The following PSME4 variants were observed in gnomAD, a reference collection of about 807,000 sequenced individuals.
PSME4 encodes the protein proteasome activator complex subunit 4.
Under a neutral mutation model 253.9 loss-of-function variants are expected in PSME4, and 89 were observed. That is an observed-to-expected ratio of 0.35 (90% confidence interval 0.30 to 0.42). The LOEUF is 0.42. PSME4 is among the 10% of genes least tolerant of loss of function. PSME4 has a pLI of 1.00. For missense variants in PSME4, 2,014 were observed against 2,195.2 expected (o/e 0.92, Z 1.65); for synonymous variants, 851 against 759.2 (o/e 1.12, Z -1.99).
intron 41 of PSME4, 88 bp from the exon 42 acceptor site, chr2:53,875,843 A>G: frequency 7.9e-7 from 1 of 1,259,202 alleles, no homozygotes; most frequent in South Asian, 1.6e-5. Flanking sequence ...CACATCTTTA[A>G]TTTAACAATT....
chr2:53,923,074 G>C lies in PSME4; in HGVS notation c.1953C>G (p.Cys651Trp). The C allele has an allele frequency of 6.2e-7, 1 of 1,605,122 alleles. No homozygotes were observed. The highest frequency in any genetic ancestry group is 8.5e-7 in the Non-Finnish European group (1 of 1,174,346). ...ESLKLFVPHC[C>W]SVITQLTMND... The stretch of plus-strand genomic sequence containing the variant: ...TCATTGTAAGCTGAGTTATAACACT[G>C]CAGCAGTGGGGAACAAAGAGCTTCA... The change falls in exon 16 of 47, where the codon TGC becomes TGG. Residue 651 changes from cysteine (C) to tryptophan (W), a missense_variant. Cys to Trp is a radical substitution (Grantham distance 215, BLOSUM62 -2). Around this residue, in one of 4 missense-constraint regions of PSME4, gnomAD observed 989 missense variants for 1,021.1 expected, o/e 0.97. Coordinates refer to ENST00000404125, the MANE Select transcript of PSME4 (RefSeq NM_014614.3).
chr2:53,896,331 A>G (rs1680135139), intron 32 of PSME4, among the ~76,000 whole-genome samples: 1 of 152,242 alleles, frequency 6.6e-6, no homozygotes, highest in Non-Finnish European at 1.5e-5. Context: ...ACTATAATCC[A>G]ATCCAGGATT....
chr2:53,871,542 C>A (rs551891504), intron 43 of PSME4, among the ~76,000 whole-genome samples: 2 of 152,242 alleles, frequency 1.3e-5, no homozygotes, highest in South Asian at 4.2e-4. Flanking sequence ...GCATGAGCCA[C>A]CACGCCCGGC....
intron 1 of PSME4, among the ~76,000 whole-genome samples, chr2:53,969,511 C>G (rs1420800152): frequency 2.6e-5 from 4 of 152,146 alleles, no homozygotes; most frequent in African/African-American, 9.7e-5. Context: ...TGAGTTATGT[C>G]TTGTGTGTTC....
At chr2:53,958,911 A>C (rs1670355523) in intron 1 of PSME4, among the ~76,000 whole-genome samples, 1 of 152,170 alleles carries the variant, frequency 6.6e-6, no homozygotes, top group Admixed American at 6.5e-5. Flanking sequence ...AATTACCAAC[A>C]AAAAAATTAA....
intron 14 of PSME4, among the ~76,000 whole-genome samples, 189 bp from the exon 15 acceptor site, chr2:53,923,608 C>T (rs1485460422): frequency 1.3e-5 from 2 of 152,126 alleles, no homozygotes; most frequent in Non-Finnish European, 2.9e-5. Context: ...TCTTTGCCCA[C>T]GATCCTAACT....
chr2:53,916,911 G>T (rs756867458), intron 20 of PSME4, among the ~76,000 whole-genome samples: 108 of 151,756 alleles, frequency 7.1e-4, no homozygotes, highest in Non-Finnish European at 1.0e-3. Context: ...GCAATTCAAA[G>T]GCAAAGACCT....
intron 4 of PSME4, among the ~76,000 whole-genome samples, 195 bp from the exon 5 acceptor site, chr2:53,937,735 T>C (rs533996429): frequency 1.3e-5 from 2 of 152,284 alleles, no homozygotes; most frequent in African/African-American, 4.8e-5. Context: ...CAGTAGTTCA[T>C]GCCTGTAATT....
chr2:53,967,416 G>A (rs1003208986), intron 1 of PSME4, among the ~76,000 whole-genome samples: 7 of 151,856 alleles, frequency 4.6e-5, no homozygotes, highest in African/African-American at 1.5e-4. Flanking sequence ...TTGGGAGGCC[G>A]AGGCACACAG....
intron 35 of PSME4, among the ~76,000 whole-genome samples, chr2:53,893,342 C>G (rs1679995988): frequency 6.6e-6 from 1 of 151,994 alleles, no homozygotes; most frequent in Non-Finnish European, 1.5e-5. Context: ...CCCAAAATAC[C>G]AAAATGTTCA....
chr2:53,903,374 T>C (rs966739910), intron 27 of PSME4, among the ~76,000 whole-genome samples: 1 of 152,186 alleles, frequency 6.6e-6, no homozygotes, highest in African/African-American at 2.4e-5. Context: ...TCCCCTCATA[T>C]TCAATCAACA....
At chr2:53,940,964 T>TA (rs1558413905) in intron 3 of PSME4, among the ~76,000 whole-genome samples, 6 of 46,296 alleles carry the variant, frequency 1.3e-4, no homozygotes, top group Admixed American at 2.8e-4. Flanking sequence ...TATATATATA[T>TA]ATATATATAT....
intron 44 of PSME4, among the ~76,000 whole-genome samples, chr2:53,867,537 T>G: frequency 6.9e-6 from 1 of 144,344 alleles, no homozygotes; most frequent in Non-Finnish European, 1.5e-5. Flanking sequence ...GGCATGGCAG[T>G]GCATGCCTGT....
Position 53,949,216 on chromosome 2 carries a change from C to A in PSME4, c.310G>T (p.Glu104Ter). The stretch of plus-strand genomic sequence containing the variant: ...TCCAGTTTTGGAATTGATACCAGCT[C>A]ATACAATAACTTAATAAAAAGAACA... The part of the protein sequence containing the change: ...DHVLFIKLLY[E>*]LVSIPKLEIS... Residue 104 changes from glutamate to a stop codon, truncating the protein, a stop_gained, in exon 2 of 47, where the codon GAG becomes TAG. Coordinates refer to ENST00000404125, the MANE Select transcript of PSME4 (RefSeq NM_014614.3). LOFTEE classifies it high-confidence loss of function. The A allele has an allele frequency of 6.2e-7, 1 of 1,611,762 alleles. No individual in the cohort carries two copies. Among genetic ancestry groups the A allele is most frequent in the Non-Finnish European group, 8.5e-7 (1 of 1,178,830 alleles).
At chr2:53,873,535 C>T (rs1404946200) in intron 43 of PSME4, among the ~76,000 whole-genome samples, 2 of 152,148 alleles carry the variant, frequency 1.3e-5, no homozygotes, top group East Asian at 1.9e-4. Flanking sequence ...GTATCTCATG[C>T]CATATTTACT....
At chr2:53,948,825 T>C (rs767160999) in intron 2 of PSME4, among the ~76,000 whole-genome samples, 4 of 152,202 alleles carry the variant, frequency 2.6e-5, no homozygotes, top group Non-Finnish European at 5.9e-5. Context: ...ATATTTAATG[T>C]TTCCAGCATT....
intron 1 of PSME4, among the ~76,000 whole-genome samples, chr2:53,970,319 G>A (rs1387568321): frequency 2.6e-5 from 4 of 152,198 alleles, no homozygotes; most frequent in African/African-American, 9.7e-5. Context: ...AGATGCGGAG[G>A]ACGTAGAGGG....
chr2:53,866,827 T>G lies in PSME4; in HGVS notation c.5317A>C (p.Ser1773Arg), dbSNP rs1181960830. The change falls in exon 45 of 47, where the codon AGT becomes CGT. Residue 1773 changes from serine to arginine, a missense_variant. Transcript: ENST00000404125. ...VLGLGACVLSSPYDVPTWMPQ... is the reference protein window; with the variant it reads ...VLGLGACVLSRPYDVPTWMPQ... ...ATCCAGGTGGGAACATCGTAAGGAC[T>G]AGAAAGAACACATGCACCAAGTCCT... 1.2e-6 allele frequency: 2 copies of G among 1,614,056 alleles called. No homozygotes were observed. The highest frequency in any genetic ancestry group is 1.7e-6 in the Non-Finnish European group (2 of 1,179,942).
intron 1 of PSME4, among the ~76,000 whole-genome samples, chr2:53,962,018 G>T (rs1287084179): frequency 6.6e-6 from 1 of 152,196 alleles, no homozygotes; most frequent in African/African-American, 2.4e-5. Flanking sequence ...TGCTGAGAAA[G>T]ATAAAAACAC....
Sources: allele counts gnomAD v4.1 joint callset (sites outside exome capture counted in the v4.1 genomes callset), GRCh38; gene constraint gnomAD v4.1.1; regional missense constraint gnomAD v4.1.1; transcripts MANE v1.5; gene names NCBI Gene and HGNC (gene_info 2026-07-23, HGNC 2026-07-21).